The following ITGA8 variants were observed in gnomAD, a reference collection of about 807,000 sequenced individuals.
ITGA8 encodes integrin alpha-8.
ITGA8 carries 91 observed loss-of-function variants against 142.3 expected under a neutral mutation model. The ratio of observed to expected loss-of-function variants is 0.64; its 90% confidence interval spans 0.54 to 0.76. The LOEUF is 0.76. Among genes scored for constraint, ITGA8 ranks in the 30% least tolerant of loss-of-function variants. The pLI is 0.00. For synonymous variants in ITGA8, 505 were observed against 485.2 expected (o/e 1.04, Z -0.54); for missense variants, 1,406 against 1,327.7 (o/e 1.06, Z -0.92).
chr10:15,573,167 T>C (rs1470759875), intron 24 of ITGA8, among the ~76,000 whole-genome samples: 1 of 151,734 alleles, frequency 6.6e-6, no homozygotes, highest in East Asian at 1.9e-4. Context: ...ATTCACCTTA[T>C]CAAAGAAGCT....
intron 4 of ITGA8, among the ~76,000 whole-genome samples, chr10:15,681,124 A>T (rs1834728801): frequency 6.6e-6 from 1 of 152,238 alleles, no homozygotes; most frequent in Non-Finnish European, 1.5e-5. Context: ...AATATGAATG[A>T]GCAGGTAATG....
chr10:15,662,749 T>G (rs1436168240), intron 8 of ITGA8, among the ~76,000 whole-genome samples: 2 of 152,218 alleles, frequency 1.3e-5, no homozygotes, highest in Non-Finnish European at 2.9e-5. Flanking sequence ...TTCCTTCATT[T>G]GCAGCTTAGA....
intron 2 of ITGA8, among the ~76,000 whole-genome samples, chr10:15,696,861 CAA>C (rs750418009): frequency 2.5e-4 from 13 of 52,530 alleles, no homozygotes; most frequent in Admixed American, 6.0e-4. Context: ...TAACTCTTAC[CAA>C]AAAAAAAAAA....
Position 15,684,062 on chromosome 10 carries a change from G to C in ITGA8, c.510C>G (p.Thr170=), listed in dbSNP as rs776616476. The C allele has an allele frequency of 6.2e-7, 1 of 1,614,170 alleles. No homozygotes were observed. Among genetic ancestry groups the C allele is most frequent in the South Asian group, 1.1e-5 (1 of 91,082 alleles). Residue 170 remains threonine (T), a synonymous_variant, in exon 4 of 30, where the codon ACC becomes ACG. Transcript: ENST00000378076. ...KPTPEKDPVG[T]CYVAIQNFSA... is the part of the protein sequence containing the mutation. ...TGAAGTTCTGAATTGCTACATAGCA[G>C]GTGCCAACTGGGTCCTTTTCTGGTG...
At chr10:15,618,517 G>A (rs1333951153) in intron 13 of ITGA8, among the ~76,000 whole-genome samples, 2 of 152,154 alleles carry the variant, frequency 1.3e-5, no homozygotes. Context: ...TCAGACTGAA[G>A]GATGCAAAGT....
intron 22 of ITGA8, among the ~76,000 whole-genome samples, chr10:15,586,920 C>CT (rs1307575184): frequency 6.6e-6 from 1 of 151,844 alleles, no homozygotes; most frequent in Non-Finnish European, 1.5e-5. Flanking sequence ...TCTAAAGAAA[C>CT]TAACACTTTT....
intron 8 of ITGA8, among the ~76,000 whole-genome samples, chr10:15,661,815 A>G (rs544101165): frequency 9.2e-5 from 14 of 152,354 alleles, no homozygotes; most frequent in African/African-American, 3.4e-4. Flanking sequence ...ATCATAAAAC[A>G]GGGTTCAGAA....
intron 10 of ITGA8, among the ~76,000 whole-genome samples, chr10:15,657,505 C>CTTCTTT (rs1484558885): frequency 1.9e-4 from 13 of 66,746 alleles, no homozygotes; most frequent in Non-Finnish European, 6.8e-5. Context: ...TTTTTCTTTT[C>CTTCTTT]TTTCATTTTT....
chr10:15,617,651 G>A (rs771844978), intron 13 of ITGA8, among the ~76,000 whole-genome samples: 2 of 151,996 alleles, frequency 1.3e-5, no homozygotes, highest in African/African-American at 4.8e-5. Context: ...CACCCGCCTC[G>A]GCCTCCCAAA....
intron 6 of ITGA8, 139 bp from the exon 7 acceptor site, chr10:15,672,888 T>C: frequency 3.4e-6 from 3 of 881,812 alleles, no homozygotes; most frequent in Non-Finnish European, 4.9e-6. Context: ...CCGCTCAAAC[T>C]CCAAGGCAGA....
intron 29 of ITGA8, among the ~76,000 whole-genome samples, chr10:15,518,123 G>C (rs949085612): frequency 6.6e-6 from 1 of 152,134 alleles, no homozygotes; most frequent in African/African-American, 2.4e-5. Flanking sequence ...AGAAACTCAG[G>C]GAAGAGGTGA....
At chr10:15,597,619 T>C (rs549506992) in intron 20 of ITGA8, among the ~76,000 whole-genome samples, 54 of 152,212 alleles carry the variant, frequency 3.5e-4, no homozygotes, top group African/African-American at 1.2e-3. Context: ...GGCATGAAAA[T>C]CACAAATTAT....
intron 13 of ITGA8, among the ~76,000 whole-genome samples, chr10:15,633,988 A>G (rs1010661727): frequency 1.3e-5 from 2 of 152,108 alleles, no homozygotes; most frequent in East Asian, 3.9e-4. Context: ...CTTGCTTTTT[A>G]TGACTGTGGC....
In ITGA8 at chr10:15,644,025, C is replaced by G. The variant is rs748585746; in HGVS notation, c.1399+5G>C. On this transcript the variant is annotated splice_donor_5th_base_variant and intron_variant, in intron 13 of 29. Transcript: ENST00000378076. ...TCTCACGTGGGAAAAGAAAGAAAAC[C>G]TTACCTGGGTAATCATTCTTGTCTA... 2.5e-6 allele frequency: 4 copies of G among 1,608,726 alleles called. No homozygotes were observed. The highest frequency in any genetic ancestry group is 4.5e-5 in the East Asian group (2 of 44,736).
Position 15,655,343 on chromosome 10 carries a change from T to C in ITGA8, c.1001+11A>G, listed in dbSNP as rs577578287. The C allele has an allele frequency of 2.6e-6, 4 of 1,554,116 alleles. No individual in the cohort carries two copies. The South Asian group carries it at 3.4e-5, about 13-fold the overall frequency. On this transcript the variant is annotated intron_variant, in intron 11 of 29. Transcript: ENST00000378076. ...TAATATATTGTATATGAGAGAGGTC[T>C]ATAAACTTACCCATCACTGTTAACA...
At chr10:15,607,981 T>G in intron 16 of ITGA8, 150 bp from the exon 17 acceptor site, 1 of 691,510 alleles carries the variant, frequency 1.4e-6, no homozygotes, top group Non-Finnish European at 2.4e-6. Context: ...AAAAATTGTA[T>G]AACATACTCT....
In ITGA8 at chr10:15,597,005, T is replaced by A. The variant is rs1244434767; in HGVS notation, c.2211+202A>T. ...TATAAAGAGAAAGCATAGAAGAGCA[T>A]GCATCTTTCTGTGTTTTTAGCTTGA... On this transcript the variant is annotated intron_variant, in intron 21 of 29. Transcript: ENST00000378076. The A allele has an allele frequency of 8.9e-6, 5 of 562,550 alleles. No homozygotes were observed. The East Asian group carries it at 1.4e-4, about 16-fold the overall frequency. 34.8% of individuals were successfully genotyped at this position (562,550 alleles called of 1,614,324 possible).
In ITGA8 at chr10:15,682,853, C is replaced by CA. The variant is rs3048323; in HGVS notation, c.568+1150dup. Among the ~76,000 whole-genome samples the CA allele has an allele frequency of 6.2e-3, 747 of 120,140 alleles. 10 individuals carry two copies. Among genetic ancestry groups the CA allele is most frequent in the African/African-American group, 0.021 (660 of 31,488 alleles). The allele number at this position is 120,140 out of a possible 152,430, so 78.8% of individuals were successfully genotyped here. A position where few individuals can be genotyped will look rare whatever the true frequency, so the allele number is the denominator to read the frequency against. On this transcript the variant is annotated intron_variant, in intron 4 of 29. Transcript: ENST00000378076. Reference sequence around the variant, plus strand: ...TGGGTGACAGAGTGAGACCCTGTCTCAAAAAAAAAAAAAAAAAAAAATTTC... The same window carrying CA: ...TGGGTGACAGAGTGAGACCCTGTCTCAAAAAAAAAAAAAAAAAAAAAATTTC...
intron 8 of ITGA8, among the ~76,000 whole-genome samples, chr10:15,664,738 T>C (rs1564398492): frequency 7.0e-6 from 1 of 143,492 alleles, no homozygotes; most frequent in Non-Finnish European, 1.5e-5. Flanking sequence ...CATTGTTCAA[T>C]TCCCACCTAT....
Sources: allele counts gnomAD v4.1 joint callset (sites outside exome capture counted in the v4.1 genomes callset), GRCh38; gene constraint gnomAD v4.1.1; transcripts MANE v1.5; gene names NCBI Gene and HGNC (gene_info 2026-07-23, HGNC 2026-07-21).